CSMD1: variants seen among roughly 807,000 people sequenced by gnomAD.
CSMD1 encodes the protein CUB and sushi domain-containing protein 1.
Under a neutral mutation model 417.5 loss-of-function variants are expected in CSMD1, and 213 were observed. The ratio of observed to expected loss-of-function variants is 0.51; its 90% CI spans 0.46 to 0.57. CSMD1 has a LOEUF of 0.57. Among genes scored for constraint, CSMD1 ranks in the 20% least tolerant of loss-of-function variants. CSMD1 has a pLI of 0.00. For missense variants in CSMD1, 6,923 were observed against 4,529.7 expected (o/e 1.53, Z -15.17); for synonymous variants, 2,862 against 1,736.8 (o/e 1.65, Z -16.11).
intron 5 of CSMD1, among the ~76,000 whole-genome samples, chr8:3,859,874 C>T (rs963798252): frequency 1.3e-5 from 2 of 152,176 alleles, no homozygotes; most frequent in African/African-American, 4.8e-5. Flanking sequence ...GGCATCTCTT[C>T]TTCAGATGAT....
At chr8:4,521,774 G>T (rs564209137) in intron 2 of CSMD1, among the ~76,000 whole-genome samples, 2 of 152,104 alleles carry the variant, frequency 1.3e-5, no homozygotes, top group African/African-American at 4.8e-5. Flanking sequence ...CTCTTCACTG[G>T]ATACTTAAGT....
rs574727864 is a variant in CSMD1 at position 3,300,018 on chromosome 8, G to C, written c.3950+7677C>G. On this transcript the variant is annotated intron_variant, in intron 25 of 69. Coordinates refer to ENST00000635120, the MANE Select transcript of CSMD1 (RefSeq NM_033225.6). ...TGCCCTGGAGGTGACACACGGGGAG[G>C]ATGGTAGCATTACTTACAACAGTGA... Among the ~76,000 whole-genome samples, 3 of 152,238 alleles carry C rather than the reference G, an allele frequency of 2.0e-5. No homozygotes were observed. In the South Asian group the frequency reaches 6.2e-4, roughly 32 times the overall value.
At chr8:4,263,081 T>G (rs755778764) in intron 3 of CSMD1, among the ~76,000 whole-genome samples, 2 of 152,180 alleles carry the variant, frequency 1.3e-5, no homozygotes, top group African/African-American at 4.8e-5. Flanking sequence ...TAATGAGATA[T>G]ATTAATTTTC....
chr8:4,628,347 T>C (rs1227280086), intron 2 of CSMD1, among the ~76,000 whole-genome samples: 1 of 150,354 alleles, frequency 6.7e-6, no homozygotes, highest in Non-Finnish European at 1.5e-5. Flanking sequence ...CACTCATATA[T>C]ATATACTTCT....
intron 5 of CSMD1, among the ~76,000 whole-genome samples, chr8:3,976,993 G>A (rs767701028): frequency 5.9e-5 from 9 of 152,204 alleles, no homozygotes; most frequent in Non-Finnish European, 1.0e-4. Context: ...TTAGTGTGCA[G>A]TGGGTGGGGG....
Position 3,346,839 on chromosome 8 carries a change from G to A in CSMD1, c.3474+1153C>T, listed in dbSNP as rs144065980. Among the ~76,000 whole-genome samples the A allele has an allele frequency of 1.8e-3, 269 of 152,322 alleles. 2 individuals are homozygous for A. The highest frequency in any genetic ancestry group is 0.011 in the East Asian group (57 of 5,178). ...CATCATTATGTGCATCTACGTAGAT[G>A]TAAATTAATTGAAAAACCCTAGAAT... On this transcript the variant is annotated intron_variant, in intron 22 of 69. Coordinates refer to ENST00000635120, the MANE Select transcript of CSMD1 (RefSeq NM_033225.6).
At chr8:4,095,112 C>T (rs140380369) in intron 3 of CSMD1, among the ~76,000 whole-genome samples, 36 of 152,130 alleles carry the variant, frequency 2.4e-4, no homozygotes, top group East Asian at 1.4e-3. Context: ...AGTGACGTGA[C>T]GGATATGGAA....
intron 3 of CSMD1, among the ~76,000 whole-genome samples, chr8:4,256,558 T>G (rs1803467108): frequency 1.3e-5 from 2 of 152,190 alleles, no homozygotes; most frequent in African/African-American, 4.8e-5. Flanking sequence ...CATTTACTTT[T>G]ATCTTTAAAA....
intron 3 of CSMD1, among the ~76,000 whole-genome samples, chr8:4,179,365 G>T (rs1479516007): frequency 7.2e-5 from 11 of 152,126 alleles, no homozygotes; most frequent in African/African-American, 2.2e-4. Flanking sequence ...TGGGAAAACT[G>T]GCTAGCCATA....
intron 3 of CSMD1, among the ~76,000 whole-genome samples, chr8:4,133,918 C>A (rs960214823): frequency 6.6e-6 from 1 of 152,058 alleles, no homozygotes; most frequent in Non-Finnish European, 1.5e-5. Context: ...TCCAGGGAAA[C>A]AGAATAAAAT....
intron 6 of CSMD1, among the ~76,000 whole-genome samples, chr8:3,726,251 A>G (rs1244758351): frequency 6.6e-6 from 1 of 152,196 alleles, no homozygotes; most frequent in Admixed American, 6.5e-5. Context: ...GAGGCTGGGA[A>G]AGAACAGCCC....
chr8:3,711,061 T>C (rs1225846927), intron 6 of CSMD1, among the ~76,000 whole-genome samples: 2 of 152,200 alleles, frequency 1.3e-5, no homozygotes, highest in Admixed American at 6.5e-5. Context: ...AAGTCTGAGA[T>C]ATTTTCCTAT....
At chr8:4,986,418 C>A (rs149140043) in intron 1 of CSMD1, among the ~76,000 whole-genome samples, 3 of 152,276 alleles carry the variant, frequency 2.0e-5, no homozygotes, top group African/African-American at 2.4e-5. Context: ...GAAAAAGTTT[C>A]TCTAAATAGA....
At chr8:2,969,467 T>C (rs1468386157) in intron 57 of CSMD1, among the ~76,000 whole-genome samples, 1 of 152,228 alleles carries the variant, frequency 6.6e-6, no homozygotes, top group African/African-American at 2.4e-5. Flanking sequence ...GAAGGAAATA[T>C]ATCTGCAATA....
At chr8:3,945,926 G>C (rs911771496) in intron 5 of CSMD1, among the ~76,000 whole-genome samples, 7 of 152,062 alleles carry the variant, frequency 4.6e-5, no homozygotes, top group African/African-American at 1.7e-4. Flanking sequence ...CTCCAACTAA[G>C]ACTATCATGA....
At chr8:4,146,973 A>C (rs1319338745) in intron 3 of CSMD1, among the ~76,000 whole-genome samples, 6 of 151,942 alleles carry the variant, frequency 3.9e-5, no homozygotes, top group Non-Finnish European at 8.8e-5. Context: ...TTCATCAGGT[A>C]AGAGCTCCGC....
intron 3 of CSMD1, among the ~76,000 whole-genome samples, chr8:4,103,860 G>A (rs1201236177): frequency 6.6e-6 from 1 of 152,194 alleles, no homozygotes; most frequent in African/African-American, 2.4e-5. Flanking sequence ...AGCATTGTCT[G>A]GTGCTATATC....
At chr8:3,042,296 A>G (rs1478884122) in intron 50 of CSMD1, among the ~76,000 whole-genome samples, 1 of 152,142 alleles carries the variant, frequency 6.6e-6, no homozygotes, top group Admixed American at 6.5e-5. Context: ...TCCTTAGCTA[A>G]GGTACCAAAC....
At chr8:3,402,012 TA>T (rs1812067954) in intron 15 of CSMD1, among the ~76,000 whole-genome samples, 1 of 152,122 alleles carries the variant, frequency 6.6e-6, no homozygotes, top group Non-Finnish European at 1.5e-5. Flanking sequence ...ACTGTATTTC[TA>T]AAATACACAC....
Sources: allele counts gnomAD v4.1 joint callset (sites outside exome capture counted in the v4.1 genomes callset), GRCh38; gene constraint gnomAD v4.1.1; transcripts MANE v1.5; gene names NCBI Gene and HGNC (gene_info 2026-07-23, HGNC 2026-07-21).